The following PARP8 variants were observed in gnomAD, a reference collection of about 807,000 sequenced individuals.
PARP8 encodes protein mono-ADP-ribosyltransferase PARP8.
Under a neutral mutation model 124.1 loss-of-function variants are expected in PARP8, and 51 were observed. That is an observed-to-expected ratio of 0.41 (90% CI 0.33 to 0.52). The LOEUF is 0.52. PARP8 is among the 20% of genes least tolerant of loss of function. The probability of loss-of-function intolerance (pLI) is 0.21; values close to 1 mark genes in which losing one functional copy is unlikely to be tolerated. For synonymous variants in PARP8, 391 were observed against 361.5 expected (o/e 1.08, Z -0.93); for missense variants, 860 against 1,018.9 (o/e 0.84, Z 2.12).
At chr5:50,825,019 T>C (rs1185186139) in intron 18 of PARP8, 44 bp downstream of exon 18, 2 of 1,474,016 alleles carry the variant, frequency 1.4e-6, no homozygotes, top group Non-Finnish European at 1.9e-6. Flanking sequence ...AGCATCCTTT[T>C]CTACTGCTTG....
At chr5:50,771,544 A>G (rs1371826480) in intron 7 of PARP8, among the ~76,000 whole-genome samples, 1 of 152,236 alleles carries the variant, frequency 6.6e-6, no homozygotes, top group Non-Finnish European at 1.5e-5. Flanking sequence ...TTTTGGTCAT[A>G]GATATCAAAA....
intron 22 of PARP8, among the ~76,000 whole-genome samples, chr5:50,830,540 G>A (rs1171153515): frequency 6.6e-6 from 1 of 152,054 alleles, no homozygotes; most frequent in Non-Finnish European, 1.5e-5. Context: ...ACTTATCCTT[G>A]GTGGAATTGG....
chr5:50,829,444 C>G (rs990948989), intron 21 of PARP8, among the ~76,000 whole-genome samples: 4 of 152,086 alleles, frequency 2.6e-5, no homozygotes, highest in Non-Finnish European at 4.4e-5. Flanking sequence ...AGTATAGTTT[C>G]AGTTAATGAA....
chr5:50,712,779 AAGG>A lies in PARP8; in HGVS notation c.147-37369_147-37367del, dbSNP rs1371995707. 2.6e-5 allele frequency among the ~76,000 whole-genome samples: 4 copies of A among 152,050 alleles called. No individual in the cohort carries two copies. In the East Asian group the frequency reaches 7.7e-4, roughly 29 times the overall value. ...AAACAAATATGGATCTGGTGGTCAG[AAGG>A]AGAAGAAAGATATTTTGGTATAAGG... On this transcript the variant is annotated intron_variant, in intron 2 of 25. Coordinates refer to ENST00000281631, the MANE Select transcript of PARP8 (RefSeq NM_024615.4).
rs1303190378 is a variant in PARP8, at chr5:50,788,022, C to T, written c.671-501C>T. Among the ~76,000 whole-genome samples the T allele has an allele frequency of 4.0e-5, 6 of 149,624 alleles. No homozygotes were observed. The East Asian group carries it at 1.2e-3, about 29-fold the overall frequency. ...AAGGAAATCTCCTGTGCCTTCTCAT[C>T]TCCCATTGTTTTATTCTAAAAATGA... On this transcript the variant is annotated intron_variant, in intron 9 of 25. Transcript: ENST00000281631.
chr5:50,833,466 T>G (rs1288796339), intron 23 of PARP8: 1 of 440,126 alleles, frequency 2.3e-6, no homozygotes, highest in Non-Finnish European at 4.5e-6. Flanking sequence ...TGATAAGTAG[T>G]GTGACTTTAA....
At chr5:50,798,773 C>T (rs956029758) in intron 14 of PARP8, among the ~76,000 whole-genome samples, 7 of 152,146 alleles carry the variant, frequency 4.6e-5, no homozygotes, top group African/African-American at 1.7e-4. Flanking sequence ...TTCTTATGCA[C>T]TTCCCTGATG....
chr5:50,691,442 T>C (rs1752488678), intron 2 of PARP8, among the ~76,000 whole-genome samples: 1 of 152,202 alleles, frequency 6.6e-6, no homozygotes, highest in Admixed American at 6.5e-5. Flanking sequence ...TTGGCTGCTG[T>C]GATGAAATCC....
At position 50,834,966 on chromosome 5, in the gene PARP8, A is replaced by C; in HGVS notation, c.2413A>C (p.Ile805Leu). ...ATCTGACCTGCACAAACATGGAGAG[A>C]TATGGGTTGTCCCCAATACTGACCA... The part of the protein sequence containing the change: ...TSSDLHKHGE[I>L]WVVPNTDHVC... The change falls in exon 25 of 26, where the codon ATA becomes CTA. Residue 805 changes from isoleucine (I) to leucine (L), a missense_variant. Physicochemically the swap from Ile to Leu is conservative, Grantham distance 5 (BLOSUM62 2). This residue lies in a region of PARP8 where 343 missense variants were observed against 474.7 expected (regional missense o/e 0.72). Transcript: ENST00000281631. 6.2e-7 allele frequency: 1 copy of C among 1,613,538 alleles called. No individual in the cohort carries two copies. The highest frequency in any genetic ancestry group is 8.5e-7 in the Non-Finnish European group (1 of 1,179,718).
intron 7 of PARP8, among the ~76,000 whole-genome samples, chr5:50,774,181 A>C (rs1761920142): frequency 6.6e-6 from 1 of 152,242 alleles, no homozygotes; most frequent in Admixed American, 6.5e-5. Context: ...ACAGCATCCC[A>C]AGGCAGAAGA....
Position 50,806,368 on chromosome 5 carries a change from G to A in PARP8, c.1576-9064G>A, listed in dbSNP as rs1743842071. ...CATTGTTGGGAGTTCACTGTTTGTG[G>A]TTTAATTGTGGGCAATTCATTCCTA... On this transcript the variant is annotated intron_variant, in intron 14 of 25. Transcript: ENST00000281631. Among the ~76,000 whole-genome samples the A allele has an allele frequency of 3.3e-5, 5 of 151,846 alleles. No individual in the cohort carries two copies. The South Asian group carries it at 1.0e-3, about 32-fold the overall frequency.
At position 50,826,700 on chromosome 5, in the gene PARP8, G is replaced by A. The variant is rs537755704; in HGVS notation, c.1929-55G>A. 3.6e-5 allele frequency: 55 copies of A among 1,516,950 alleles called. No homozygotes were observed. In the Admixed American group the frequency reaches 1.4e-3, roughly 38 times the overall value. 94.0% of individuals were successfully genotyped at this position (1,516,950 alleles called of 1,614,324 possible). On this transcript the variant is annotated intron_variant, in intron 18 of 25. Coordinates refer to ENST00000281631, the MANE Select transcript of PARP8 (RefSeq NM_024615.4). ...TTAATCGGTTGCCAACTAAGAAAAA[G>A]AACTTTAAATATATTTGGCATGTAT... is the stretch of plus-strand genomic sequence containing the variant.
In PARP8 at chr5:50,796,962, T is replaced by C; in HGVS notation, c.1429-20T>C. On this transcript the variant is annotated intron_variant, in intron 12 of 25. Coordinates refer to ENST00000281631, the MANE Select transcript of PARP8 (RefSeq NM_024615.4). The stretch of plus-strand genomic sequence containing the variant: ...TACATTTAAAAAAATTATCATTTTT[T>C]TTTACTTTGCTTTTTATAGCCAAAT... The C allele has an allele frequency of 6.3e-7, 1 of 1,596,250 alleles. No individual in the cohort carries two copies. The highest frequency in any genetic ancestry group is 8.5e-7 in the Non-Finnish European group (1 of 1,172,180).
intron 15 of PARP8, among the ~76,000 whole-genome samples, chr5:50,820,659 G>A (rs944586066): frequency 7.2e-5 from 11 of 152,258 alleles, no homozygotes; most frequent in African/African-American, 2.6e-4. Context: ...CCTGCACATG[G>A]GGCTTCCTTC....
chr5:50,693,763 G>A (rs1412350522), intron 2 of PARP8, among the ~76,000 whole-genome samples: 1 of 151,192 alleles, frequency 6.6e-6, no homozygotes, highest in Non-Finnish European at 1.5e-5. Flanking sequence ...ATATAATTAA[G>A]CTATGTGGAT....
intron 2 of PARP8, among the ~76,000 whole-genome samples, chr5:50,726,426 G>C (rs1480906689): frequency 6.6e-6 from 1 of 152,074 alleles, no homozygotes; most frequent in Admixed American, 6.6e-5. Context: ...TTATTGATAG[G>C]AGTACCTCAG....
At chr5:50,718,875 A>C (rs1315844199) in intron 2 of PARP8, among the ~76,000 whole-genome samples, 1 of 151,960 alleles carries the variant, frequency 6.6e-6, no homozygotes, top group African/African-American at 2.4e-5. Flanking sequence ...TTGTATTTTT[A>C]GTTTTCTGAG....
At chr5:50,711,977 AT>A in intron 2 of PARP8, among the ~76,000 whole-genome samples, 1 of 152,154 alleles carries the variant, frequency 6.6e-6, no homozygotes, top group Admixed American at 6.5e-5. Context: ...AATCTAAATG[AT>A]TTTTCTGCAA....
At chr5:50,840,470 A>T (rs2149733336) in intron 25 of PARP8, among the ~76,000 whole-genome samples, 1 of 151,998 alleles carries the variant, frequency 6.6e-6, no homozygotes, top group Non-Finnish European at 1.5e-5. Flanking sequence ...GGTACATCAA[A>T]TTGAGATATG....
Sources: gnomAD v4.1 joint callset for allele counts (sites outside exome capture counted in the v4.1 genomes callset) on GRCh38, gnomAD v4.1.1 for gene constraint, gnomAD v4.1.1 regional missense constraint, MANE v1.5 for transcripts, NCBI Gene and HGNC (gene_info 2026-07-23, HGNC 2026-07-21) for gene names.